Variants in DPRX observed in about 807,000 individuals in gnomAD.
The protein encoded by DPRX is divergent-paired related homeobox.
A neutral mutation model predicts 8.4 loss-of-function variants in DPRX; 11 were observed. The observed-to-expected ratio is 1.31, with a 90% confidence interval of 0.82 to 2.17. DPRX has a LOEUF of 2.17. DPRX is among the 30% of genes most tolerant of loss of function. The pLI is 0.00. For missense variants in DPRX, 211 were observed against 236.7 expected (o/e 0.89, Z 0.71); for synonymous variants, 72 against 87.0 (o/e 0.83, Z 0.96).
chr19:53,605,926 C>T, the DPRX span, among the ~76,000 whole-genome samples: 1 of 152,144 alleles, frequency 6.6e-6, no homozygotes, highest in Non-Finnish European at 1.5e-5. Flanking sequence ...ACCTCAGCCT[C>T]CCAAAGTGCT....
At chr19:53,621,899 G>A in the DPRX span, among the ~76,000 whole-genome samples, 1 of 152,090 alleles carries the variant, frequency 6.6e-6, no homozygotes, top group Non-Finnish European at 1.5e-5. Context: ...GTTTACCAGA[G>A]CAAACTACAA....
the DPRX span, among the ~76,000 whole-genome samples, chr19:53,615,183 G>A: frequency 2.0e-5 from 3 of 152,000 alleles, no homozygotes; most frequent in Admixed American, 1.3e-4. Flanking sequence ...TATTGACCAG[G>A]CTGGTCTCGA....
At chr19:53,601,848 T>C in the DPRX span, 1 of 366,286 alleles carries the variant, frequency 2.7e-6, no homozygotes, top group Non-Finnish European at 5.4e-6. Flanking sequence ...GAAGTACTGA[T>C]ATGTGGGGGC....
chr19:53,606,719 CT>C, the DPRX span: 2 of 149,248 alleles, frequency 1.3e-5, no homozygotes, highest in Admixed American at 6.7e-5. This position sits in a 1 kb window ranked among gnomAD's most constrained non-coding sequence, Gnocchi z 4.8. Context: ...TGGAGGGCTT[CT>C]TCTCCTGCGG....
At chr19:53,607,769 T>G in the DPRX span, among the ~76,000 whole-genome samples, 1 of 151,638 alleles carries the variant, frequency 6.6e-6, no homozygotes, top group Non-Finnish European at 1.5e-5. Context: ...GAGAATCGCT[T>G]GAACCCGGGA....
chr19:53,619,060 C>T, the DPRX span, among the ~76,000 whole-genome samples: 4 of 152,134 alleles, frequency 2.6e-5, no homozygotes, highest in East Asian at 1.9e-4. Context: ...TTTTTACATC[C>T]CTGTTGATTG....
chr19:53,634,706 C>A, intron 2 of DPRX, 21 bp downstream of exon 2: 1 of 1,604,738 alleles, frequency 6.2e-7, no homozygotes, highest in Admixed American at 1.7e-5. Context: ...GATCCCTCTT[C>A]TCACTAAACT....
upstream of DPRX, among the ~76,000 whole-genome samples, chr19:53,629,549 T>A (rs530492533): frequency 5.8e-4 from 87 of 150,156 alleles, no homozygotes; most frequent in African/African-American, 1.9e-3. Flanking sequence ...GCCTATGATT[T>A]TTTTTTTTTA....
At chr19:53,626,495 A>T in the DPRX span, among the ~76,000 whole-genome samples, 1 of 152,208 alleles carries the variant, frequency 6.6e-6, no homozygotes, top group African/African-American at 2.4e-5. Flanking sequence ...TCAAGGCTGC[A>T]GTGAGCTGGG....
the DPRX span, among the ~76,000 whole-genome samples, chr19:53,601,639 G>A: frequency 6.6e-6 from 1 of 151,798 alleles, no homozygotes; most frequent in East Asian, 1.9e-4. Flanking sequence ...ACACCACCAT[G>A]CCCGGCTAAT....
chr19:53,612,465 G>A, the DPRX span, among the ~76,000 whole-genome samples: 3 of 152,176 alleles, frequency 2.0e-5, no homozygotes, highest in African/African-American at 7.2e-5. Flanking sequence ...CCAGCTCTTT[G>A]GGAGGCCGAG....
At chr19:53,622,602 T>A in the DPRX span, among the ~76,000 whole-genome samples, 1 of 152,122 alleles carries the variant, frequency 6.6e-6, no homozygotes, top group Non-Finnish European at 1.5e-5. Context: ...CTGCCCAATA[T>A]GCAGCAGCAA....
the DPRX span, among the ~76,000 whole-genome samples, chr19:53,613,050 T>G: frequency 6.6e-6 from 1 of 152,064 alleles, no homozygotes. Context: ...TGGCAGGATT[T>G]GGGGAAAAGG....
chr19:53,615,385 A>C, the DPRX span, among the ~76,000 whole-genome samples: 2,068 of 151,858 alleles, frequency 0.014, 41 homozygotes, highest in African/African-American at 0.041. Flanking sequence ...GGTTCAAGTG[A>C]TTTTCCTACC....
At chr19:53,624,237 G>A in the DPRX span, among the ~76,000 whole-genome samples, 4 of 150,724 alleles carry the variant, frequency 2.7e-5, no homozygotes, top group Admixed American at 1.3e-4. Flanking sequence ...ACAGGTGCCC[G>A]CCACCACGCC....
the DPRX span, chr19:53,602,267 GGTGTGTGTGTGTGT>G: frequency 0.1 from 28,716 of 276,910 alleles, 1,129 homozygotes; most frequent in Non-Finnish European, 0.12. Context: ...TATGGGTATG[GGTGTGTGTGTGTGT>G]GTGTGTGTGT....
At chr19:53,618,091 T>C in the DPRX span, among the ~76,000 whole-genome samples, 5 of 149,376 alleles carry the variant, frequency 3.3e-5, no homozygotes, top group Non-Finnish European at 5.9e-5. Context: ...GCAGTGAGCC[T>C]AGATCGCTGC....
the DPRX span, among the ~76,000 whole-genome samples, chr19:53,621,528 G>A: frequency 6.6e-6 from 1 of 152,126 alleles, no homozygotes; most frequent in South Asian, 2.1e-4. Flanking sequence ...AGGCATGGTG[G>A]CTCACGTCTA....
the DPRX span, among the ~76,000 whole-genome samples, chr19:53,602,713 T>G: frequency 6.8e-4 from 104 of 152,066 alleles, no homozygotes; most frequent in African/African-American, 2.5e-3. Flanking sequence ...TTTTGTATTT[T>G]TAGTAGAGAT....
Sources: allele counts gnomAD v4.1 joint callset (sites outside exome capture counted in the v4.1 genomes callset), GRCh38; gene constraint gnomAD v4.1.1; non-coding constraint Gnocchi (gnomAD v3.1); transcripts MANE v1.5; gene names NCBI Gene and HGNC (gene_info 2026-07-23, HGNC 2026-07-21).